RFX4: variants seen among roughly 807,000 people sequenced by gnomAD.
The protein encoded by RFX4 is transcription factor RFX4.
A neutral mutation model predicts 95.0 loss-of-function variants in RFX4; 10 were observed. That is an observed-to-expected ratio of 0.11 (90% CI 0.06 to 0.18). The LOEUF is 0.18. Among genes scored for constraint, RFX4 ranks in the 10% least tolerant of loss-of-function variants. The pLI is 1.00. For synonymous variants in RFX4, 321 were observed against 340.7 expected (o/e 0.94, Z 0.64); for missense variants, 640 against 922.0 (o/e 0.69, Z 3.96).
At chr12:106,715,713 A>C in intron 11 of RFX4, 169 bp downstream of exon 11, 3 of 746,330 alleles carry the variant, frequency 4.0e-6, no homozygotes, top group Non-Finnish European at 6.4e-6. Flanking sequence ...GGAAGGGCTG[A>C]TTGACTTGAG....
At chr12:106,667,437 G>A (rs535912713) in intron 4 of RFX4, among the ~76,000 whole-genome samples, 6 of 152,310 alleles carry the variant, frequency 3.9e-5, no homozygotes, top group East Asian at 3.9e-4. Context: ...TGCCGGAAGC[G>A]TGAGGGACTT....
At chr12:106,651,416 T>C (rs2040854731) in intron 3 of RFX4, among the ~76,000 whole-genome samples, 2 of 152,194 alleles carry the variant, frequency 1.3e-5, no homozygotes, top group Admixed American at 1.3e-4. Context: ...GGATACCCAG[T>C]GCCCAGCACC....
intron 2 of RFX4, among the ~76,000 whole-genome samples, chr12:106,625,184 TG>T (rs1278545180): frequency 1.3e-5 from 2 of 152,208 alleles, no homozygotes; most frequent in Non-Finnish European, 2.9e-5. Context: ...TCCTAGTTAG[TG>T]GCAGAATCAG....
intron 5 of RFX4, chr12:106,683,030 G>A (rs934710790): frequency 6.6e-6 from 1 of 152,214 alleles, no homozygotes; most frequent in Non-Finnish European, 1.5e-5. Flanking sequence ...CTCCACTAGA[G>A]GGTGCCTTAT....
chr12:106,725,203 G>A (rs1230244250), intron 13 of RFX4, among the ~76,000 whole-genome samples: 5 of 152,158 alleles, frequency 3.3e-5, no homozygotes, highest in Non-Finnish European at 7.3e-5. Context: ...TGCCCCAAAT[G>A]TGAAGTCACT....
intron 2 of RFX4, among the ~76,000 whole-genome samples, chr12:106,610,155 G>A (rs191708874): frequency 2.9e-4 from 43 of 150,452 alleles, no homozygotes; most frequent in Admixed American, 9.3e-4. Flanking sequence ...GGAGAATGGC[G>A]TGAACCTGGG....
At chr12:106,746,069 A>C (rs1343118310) in intron 15 of RFX4, among the ~76,000 whole-genome samples, 2 of 152,174 alleles carry the variant, frequency 1.3e-5, no homozygotes, top group African/African-American at 4.8e-5. Context: ...TCTATAAAAA[A>C]TTTAAAGGCC....
intron 1 of RFX4, among the ~76,000 whole-genome samples, chr12:106,587,896 C>A (rs1464246826): frequency 6.6e-6 from 1 of 152,204 alleles, no homozygotes; most frequent in East Asian, 1.9e-4. Context: ...TCTGATTTTT[C>A]CCCCCTTTTT....
At chr12:106,749,865 C>G (rs1033511820) in intron 16 of RFX4, among the ~76,000 whole-genome samples, 3 of 152,144 alleles carry the variant, frequency 2.0e-5, no homozygotes, top group Admixed American at 1.3e-4. Flanking sequence ...GTGCTCTCCC[C>G]CCAGGAGACA....
intron 2 of RFX4, among the ~76,000 whole-genome samples, chr12:106,610,988 G>GTT (rs796416921): frequency 6.8e-6 from 1 of 146,804 alleles, no homozygotes; most frequent in Non-Finnish European, 1.5e-5. Context: ...GTTATTTTCT[G>GTT]TTTTTTTTTT....
intron 1 of RFX4, among the ~76,000 whole-genome samples, chr12:106,598,526 T>C (rs1340851747): frequency 6.6e-6 from 1 of 151,988 alleles, no homozygotes; most frequent in Non-Finnish European, 1.5e-5. Context: ...TGTGGGAAAA[T>C]ATGTTTCTCT....
chr12:106,687,182 T>TCTCTCTCA lies in RFX4; in HGVS notation c.591+86_591+87insTCTCTCAC, dbSNP rs1443795120. The TCTCTCTCA allele has an allele frequency of 1.2e-3, 665 of 547,156 alleles. 4 individuals carry two copies. In the African/African-American group the frequency reaches 0.013, roughly 11 times the overall value. The allele number at this position is 547,156 out of a possible 1,614,324, so 33.9% of individuals were successfully genotyped here. A position where few individuals can be genotyped will look rare whatever the true frequency, so the allele number is the denominator to read the frequency against. On this transcript the variant is annotated intron_variant, in intron 6 of 17. Coordinates refer to ENST00000392842, the MANE Select transcript of RFX4 (RefSeq NM_213594.3). Reference sequence around the variant, plus strand: ...CTCTGTCTCTATCTCTCTCTCTCTCTCACACACACACACACACACACACAC... The same window carrying TCTCTCTCA: ...CTCTGTCTCTATCTCTCTCTCTCTCTCTCTCTCACACACACACACACACACACACACAC...
At chr12:106,661,606 G>T (rs2041075427) in intron 4 of RFX4, among the ~76,000 whole-genome samples, 1 of 152,144 alleles carries the variant, frequency 6.6e-6, no homozygotes, top group Non-Finnish European at 1.5e-5. Flanking sequence ...TCACATTGGT[G>T]AATTCACTCA....
At chr12:106,709,464 G>T (rs1462493103) in intron 9 of RFX4, 34 bp downstream of exon 9, 4 of 1,526,014 alleles carry the variant, frequency 2.6e-6, no homozygotes, top group Middle Eastern at 1.7e-4. Context: ...ATGGAAGAGA[G>T]AATTACATTT....
intron 2 of RFX4, among the ~76,000 whole-genome samples, chr12:106,610,945 A>G (rs10861637): frequency 0.25 from 37,620 of 151,712 alleles, 4,763 homozygotes; most frequent in South Asian, 0.3. Flanking sequence ...AAGGCACAAG[A>G]GTTCCAATTT....
chr12:106,683,480 A>AAC (rs1185829745), intron 5 of RFX4: 6 of 148,430 alleles, frequency 4.0e-5, no homozygotes, highest in South Asian at 2.2e-4. Context: ...AAAAAAAAAA[A>AAC]AAAAAAAAAA....
At chr12:106,621,697 TG>T (rs1238765557) in intron 2 of RFX4, among the ~76,000 whole-genome samples, 2 of 152,248 alleles carry the variant, frequency 1.3e-5, no homozygotes, top group African/African-American at 4.8e-5. Flanking sequence ...TTTGGAATTT[TG>T]CTCCTTAGAT....
chr12:106,682,107 G>A, intron 5 of RFX4, 53 bp downstream of exon 5: 2 of 1,570,410 alleles, frequency 1.3e-6, no homozygotes, highest in Non-Finnish European at 8.8e-7. Context: ...TGGGCCTCGA[G>A]ACAGGCCACA....
intron 17 of RFX4, among the ~76,000 whole-genome samples, chr12:106,756,679 T>C (rs1040205422): frequency 1.1e-4 from 16 of 152,194 alleles, no homozygotes; most frequent in African/African-American, 3.9e-4. Context: ...AATTTTCTCA[T>C]CTGAAAAATG....
Sources: allele counts gnomAD v4.1 joint callset (sites outside exome capture counted in the v4.1 genomes callset), GRCh38; gene constraint gnomAD v4.1.1; transcripts MANE v1.5; gene names NCBI Gene and HGNC (gene_info 2026-07-23, HGNC 2026-07-21).